Variants in CD163 observed in about 807,000 individuals in gnomAD.
The protein encoded by CD163 is scavenger receptor cysteine-rich type 1 protein M130.
CD163 carries 64 observed loss-of-function variants against 129.2 expected under a neutral mutation model. The ratio of observed to expected loss-of-function variants is 0.50; its 90% CI spans 0.41 to 0.61. CD163 has a LOEUF of 0.61. Among genes scored for constraint, CD163 ranks in the 20% least tolerant of loss-of-function variants. The pLI is 0.00. For synonymous variants in CD163, 446 were observed against 478.5 expected, an observed-to-expected ratio of 0.93 and a Z score of 0.89; for missense variants, 1,061 against 1,377.9, an observed-to-expected ratio of 0.77 and a Z score of 3.64.
At chr12:7,473,967 TA>T (rs1336756783) in intron 16 of CD163, among the ~76,000 whole-genome samples, 2 of 151,656 alleles carry the variant, frequency 1.3e-5, no homozygotes, top group African/African-American at 4.8e-5. Flanking sequence ...CAATAAAGAT[TA>T]AAAAAAGACA....
At position 7,503,637 on chromosome 12, in the gene CD163, G is replaced by T; in HGVS notation, c.46+8C>A. Reference sequence around the variant, plus strand: ...AGGGGAAATGTAGAATAAATGAGAAGCTTTTACCAGCAGATCCAGAGTCTT... The same window carrying T: ...AGGGGAAATGTAGAATAAATGAGAATCTTTTACCAGCAGATCCAGAGTCTT... On this transcript the variant is annotated splice_region_variant and intron_variant, in intron 1 of 16. Transcript: ENST00000432237. 6.3e-7 allele frequency: 1 copy of T among 1,582,924 alleles called. No homozygotes were observed. The highest frequency in any genetic ancestry group is 1.7e-5 in the Admixed American group (1 of 58,350).
chr12:7,492,217 A>G (rs1370003439), intron 6 of CD163, among the ~76,000 whole-genome samples: 1 of 152,214 alleles, frequency 6.6e-6, no homozygotes. Flanking sequence ...AAGAGTTTGT[A>G]AAAGGAAACA....
In CD163 at chr12:7,488,850, T is replaced by C. The variant is rs73043495; in HGVS notation, c.1421-763A>G. Among the ~76,000 whole-genome samples the C allele has an allele frequency of 3.2e-3, 481 of 151,408 alleles. 1 individual carries two copies. Among genetic ancestry groups the C allele is most frequent in the Middle Eastern group, 0.014 (4 of 292 alleles). On this transcript the variant is annotated intron_variant, in intron 6 of 16. Transcript: ENST00000432237. The stretch of plus-strand genomic sequence containing the variant: ...TATATTCTTTACTTAATTAATGATA[T>C]ACAGGCCAAATTAGAACCACCTAAA...
chr12:7,498,837 G>T (rs753747487), intron 4 of CD163, 31 bp downstream of exon 4: 12 of 1,589,892 alleles, frequency 7.5e-6, no homozygotes, highest in Middle Eastern at 1.7e-4. Context: ...TCCTCTCCTG[G>T]AGAATAGAAT....
chr12:7,488,115 A>C, intron 6 of CD163, 28 bp from the exon 7 acceptor site: 3 of 1,545,130 alleles, frequency 1.9e-6, no homozygotes, highest in South Asian at 2.5e-5. Flanking sequence ...TTTCAGTGAG[A>C]GGTAATATGA....
chr12:7,491,428 T>C (rs1949326226), intron 6 of CD163, among the ~76,000 whole-genome samples: 1 of 152,058 alleles, frequency 6.6e-6, no homozygotes, highest in South Asian at 2.1e-4. Context: ...AATGGATTTT[T>C]TTCTGCTAAG....
At position 7,492,264 on chromosome 12, in the gene CD163, C is replaced by G. The variant is rs1251746418; in HGVS notation, c.1420+2817G>C. On this transcript the variant is annotated intron_variant, in intron 6 of 16. Coordinates refer to ENST00000432237, the MANE Select transcript of CD163 (RefSeq NM_203416.4). The stretch of plus-strand genomic sequence containing the variant: ...TGGCAAATAGCAAACAAAAATACAG[C>G]TCTGTGAAGTACGGAGCCCACCTTA... 1.3e-5 allele frequency among the ~76,000 whole-genome samples: 2 copies of G among 152,096 alleles called. 1 individual carries two copies. The highest frequency in any genetic ancestry group is 4.1e-4 in the South Asian group (2 of 4,822).
At position 7,496,709 on chromosome 12, in the gene CD163, TC is replaced by T. The variant is rs1949406537; in HGVS notation, c.1099+103del. On this transcript the variant is annotated intron_variant, in intron 5 of 16. Coordinates refer to ENST00000432237, the MANE Select transcript of CD163 (RefSeq NM_203416.4). The surrounding 1 kb of genome is among the most constrained non-coding windows in gnomAD (Gnocchi z 4.8). ...CCCAGCAAGGAATTTACTAGGCATT[TC>T]TACTTCTTAAGGAGCACGTTCCTAC... 13 of 907,226 alleles carry T rather than the reference TC, an allele frequency of 1.4e-5. No homozygotes were observed. The highest frequency in any genetic ancestry group is 2.3e-5 in the Non-Finnish European group (13 of 575,620). 56.2% of individuals were successfully genotyped at this position (907,226 alleles called of 1,614,324 possible).
intron 15 of CD163, chr12:7,480,793 GT>G: frequency 1.3e-6 from 1 of 795,828 alleles, no homozygotes; most frequent in Non-Finnish European, 1.5e-6. Flanking sequence ...ATAAAATCAT[GT>G]TGTATACCTT....
chr12:7,492,611 A>G (rs1469728947), intron 6 of CD163, among the ~76,000 whole-genome samples: 1 of 152,134 alleles, frequency 6.6e-6, no homozygotes, highest in Non-Finnish European at 1.5e-5. Context: ...TATTTGCATG[A>G]CGTGGATTCT....
At chr12:7,500,421 C>CCAAAAA (rs1555079812) in intron 3 of CD163, among the ~76,000 whole-genome samples, 11 of 64,106 alleles carry the variant, frequency 1.7e-4, no homozygotes, top group Non-Finnish European at 1.8e-4. Context: ...CAATTCGTCC[C>CCAAAAA]AAAAAAAAAA....
chr12:7,480,089 C>T, intron 15 of CD163, 176 bp from the exon 16 acceptor site: 1 of 1,180,754 alleles, frequency 8.5e-7, no homozygotes, highest in Non-Finnish European at 1.2e-6. Context: ...CCACCCATAA[C>T]TAGGAAGAAA....
Position 7,487,736 on chromosome 12 carries a change from G to C in CD163, c.1735+37C>G. 1 of 1,613,980 alleles carries C rather than the reference G, an allele frequency of 6.2e-7. No individual in the cohort carries two copies. The highest frequency in any genetic ancestry group is 8.5e-7 in the Non-Finnish European group (1 of 1,179,998). On this transcript the variant is annotated intron_variant, in intron 7 of 16. Transcript: ENST00000432237. The surrounding 1 kb of genome is among the most constrained non-coding windows in gnomAD (Gnocchi z 5.1). The stretch of plus-strand genomic sequence containing the variant: ...ACTCCCTAACCCTGTCCCTTTCACA[G>C]TATGAGAACCAATTAAAGATGTTTT...
At position 7,501,390 on chromosome 12, in the gene CD163, T is replaced by C. The variant is rs1949487194; in HGVS notation, c.206A>G (p.Gln69Arg). Reference protein sequence around the residue: ...KCSGRVEVKVQEEWGTVCNNG... With the variant: ...KCSGRVEVKVREEWGTVCNNG... ...ATTACACACCGTTCCCCACTCCTCCTGGACTTTCACTTCCACTCTCCCGCT... is the reference window on the plus strand; with the variant it reads ...ATTACACACCGTTCCCCACTCCTCCCGGACTTTCACTTCCACTCTCCCGCT... The change falls in exon 3 of 17, where the codon CAG (glutamine) becomes CGG (arginine). Residue 69 changes from glutamine (Q) to arginine (R), a missense_variant. Gln to Arg is a conservative substitution (Grantham distance 43). Transcript: ENST00000432237. 1 of 1,613,980 alleles carries C rather than the reference T, an allele frequency of 6.2e-7. No homozygotes were observed. The highest frequency in any genetic ancestry group is 1.7e-5 in the Admixed American group (1 of 60,000).
chr12:7,497,060 T>G lies in CD163; in HGVS notation c.852A>C (p.Gln284His). The change falls in exon 5 of 17, where the codon CAA becomes CAC. Residue 284 changes from glutamine to histidine, a missense_variant. Gln to His is a conservative substitution (Grantham distance 24). Coordinates refer to ENST00000432237, the MANE Select transcript of CD163 (RefSeq NM_203416.4). ...CATCACATATTGTCCCCCATTCTCC[T>G]TGGAATCTCACTTCTAATCTTCCTG... Reference protein sequence around the residue: ...ECSGRLEVRFQGEWGTICDDG... With the variant: ...ECSGRLEVRFHGEWGTICDDG... The G allele has an allele frequency of 6.2e-7, 1 of 1,614,078 alleles. No individual in the cohort carries two copies. Among genetic ancestry groups the G allele is most frequent in the Non-Finnish European group, 8.5e-7 (1 of 1,179,960 alleles).
chr12:7,482,871 T>C (rs1413651158), intron 13 of CD163, 95 bp downstream of exon 13: 10 of 1,583,582 alleles, frequency 6.3e-6, no homozygotes, highest in African/African-American at 2.7e-5. Context: ...GAGGTAAATA[T>C]CAAATCCTCA....
chr12:7,497,370 G>T (rs1382328346), intron 4 of CD163, among the ~76,000 whole-genome samples: 1 of 152,168 alleles, frequency 6.6e-6, no homozygotes, highest in African/African-American at 2.4e-5. Flanking sequence ...TCTAACAGGA[G>T]ATACAGGGAC....
chr12:7,481,057 A>G, intron 15 of CD163, 104 bp downstream of exon 15: 1 of 1,489,762 alleles, frequency 6.7e-7, no homozygotes, highest in Non-Finnish European at 8.9e-7. Context: ...TTCCTATTAC[A>G]TTTTTAGACT....
At chr12:7,488,566 G>A (rs1021641732) in intron 6 of CD163, among the ~76,000 whole-genome samples, 2 of 152,020 alleles carry the variant, frequency 1.3e-5, no homozygotes, top group African/African-American at 2.4e-5. Context: ...CGTCTGTTAC[G>A]TTTGGTATAC....
Sources: allele counts gnomAD v4.1 joint callset (sites outside exome capture counted in the v4.1 genomes callset), GRCh38; gene constraint gnomAD v4.1.1; non-coding constraint Gnocchi (gnomAD v3.1); transcripts MANE v1.5; gene names NCBI Gene and HGNC (gene_info 2026-07-23, HGNC 2026-07-21).